The following AKAP7 variants were observed in gnomAD, a reference collection of about 807,000 sequenced individuals.
AKAP7 encodes A kinase (PRKA) anchor protein 7.
In AKAP7, 39 loss-of-function variants were observed where a neutral mutation model predicts 39.5. That is an observed-to-expected ratio of 0.99 (90% CI 0.76 to 1.29). AKAP7 has a LOEUF of 1.29. Ranked by LOEUF, AKAP7 falls within the 50% of genes most tolerant of loss-of-function variation. The probability of loss-of-function intolerance (pLI) is 0.00; values close to 1 mark genes in which losing one functional copy is unlikely to be tolerated. For synonymous variants in AKAP7, 140 were observed against 139.1 expected (o/e 1.01, Z -0.05); for missense variants, 414 against 407.7 (o/e 1.02, Z -0.13).
intron 6 of AKAP7, among the ~76,000 whole-genome samples, chr6:131,218,858 G>A (rs761415361): frequency 3.9e-5 from 6 of 152,054 alleles, no homozygotes; most frequent in Non-Finnish European, 7.4e-5. Flanking sequence ...TCTTACATAA[G>A]AAATTTAAAA....
intron 7 of AKAP7, among the ~76,000 whole-genome samples, chr6:131,226,364 C>T (rs1392990042): frequency 1.3e-5 from 2 of 152,184 alleles, no homozygotes; most frequent in Admixed American, 6.5e-5. Context: ...AGAAAAGGTA[C>T]ATTTTGGTTG....
chr6:131,197,523 G>A (rs1807056633), intron 5 of AKAP7, among the ~76,000 whole-genome samples: 1 of 152,028 alleles, frequency 6.6e-6, no homozygotes, highest in African/African-American at 2.4e-5. Flanking sequence ...ACTCGAAGTT[G>A]CCCCACAGCT....
intron 6 of AKAP7, among the ~76,000 whole-genome samples, chr6:131,201,394 C>T (rs914367361): frequency 2.0e-5 from 3 of 152,124 alleles, no homozygotes; most frequent in Admixed American, 6.5e-5. Context: ...AATCAGATTG[C>T]ATTTTATTTA....
chr6:131,278,925 G>C (rs547620246), intron 7 of AKAP7, among the ~76,000 whole-genome samples: 1 of 152,140 alleles, frequency 6.6e-6, no homozygotes, highest in Non-Finnish European at 1.5e-5. Context: ...TAGAAATTGG[G>C]AATGGTGTGG....
intron 6 of AKAP7, among the ~76,000 whole-genome samples, chr6:131,217,258 A>G (rs1043710609): frequency 6.6e-6 from 1 of 152,174 alleles, no homozygotes; most frequent in African/African-American, 2.4e-5. Flanking sequence ...GCTTACCCTA[A>G]ATGATCCACT....
intron 6 of AKAP7, among the ~76,000 whole-genome samples, chr6:131,209,922 A>G (rs938145682): frequency 1.3e-5 from 2 of 152,174 alleles, no homozygotes; most frequent in Admixed American, 1.3e-4. Context: ...ATGCAGAACT[A>G]TTTACCTTGT....
intron 5 of AKAP7, chr6:131,185,477 C>T (rs1805749682): frequency 8.6e-6 from 3 of 349,042 alleles, no homozygotes; most frequent in South Asian, 7.9e-5. Context: ...TTCACCACCA[C>T]AGGTGCCATT....
At chr6:131,184,793 C>T in intron 5 of AKAP7, 2 of 1,433,560 alleles carry the variant, frequency 1.4e-6, no homozygotes, top group Non-Finnish European at 9.8e-7. Flanking sequence ...TCGCCCTCCT[C>T]AGCCAAGTGA....
At chr6:131,154,868 G>A (rs764812334) in intron 2 of AKAP7, among the ~76,000 whole-genome samples, 11 of 152,056 alleles carry the variant, frequency 7.2e-5, no homozygotes, top group Non-Finnish European at 1.5e-4. Flanking sequence ...GTATGTGTAT[G>A]TGTGTGTTTA....
upstream of AKAP7, among the ~76,000 whole-genome samples, chr6:131,134,565 C>T (rs551767843): frequency 5.9e-5 from 9 of 152,300 alleles, no homozygotes; most frequent in Admixed American, 2.6e-4. Context: ...CTTACCTGCA[C>T]ATCCTCAGCA....
chr6:131,184,581 G>A, intron 5 of AKAP7: 3 of 730,032 alleles, frequency 4.1e-6, no homozygotes, highest in Non-Finnish European at 7.6e-6. Flanking sequence ...TGAAATGGAG[G>A]CAAGATGGAT....
intron 5 of AKAP7, among the ~76,000 whole-genome samples, chr6:131,191,207 C>T (rs1302676264): frequency 6.6e-6 from 1 of 152,084 alleles, no homozygotes; most frequent in Non-Finnish European, 1.5e-5. Flanking sequence ...CATAAGACAT[C>T]GCTAATATTT....
chr6:131,165,451 G>T (rs866840803), intron 4 of AKAP7, among the ~76,000 whole-genome samples: 1 of 151,880 alleles, frequency 6.6e-6, no homozygotes, highest in Non-Finnish European at 1.5e-5. Context: ...TGTTTTGTCC[G>T]TGCTCATAAT....
intron 7 of AKAP7, among the ~76,000 whole-genome samples, chr6:131,228,733 G>A (rs779122199): frequency 6.6e-6 from 1 of 151,962 alleles, no homozygotes; most frequent in Non-Finnish European, 1.5e-5. Flanking sequence ...ATACTTTTAG[G>A]GGGTCAGCGA....
Position 131,281,930 on chromosome 6 carries a change from A to ATTAAT in AKAP7, c.*206_*210dup, listed in dbSNP as rs371260791. On this transcript the variant is annotated 3_prime_UTR_variant, in exon 8 of 8. Coordinates refer to ENST00000431975, the MANE Select transcript of AKAP7 (RefSeq NM_016377.4). This position sits in a 1 kb window ranked among gnomAD's most constrained non-coding sequence, Gnocchi z 4.0. ...TGGAGTGCTGGGACTGGCAGAGGAA[A>ATTAAT]TTAATTGATGAAAGAAGAATGGCCC... 453 of 1,235,204 alleles carry ATTAAT rather than the reference A, an allele frequency of 3.7e-4. 2 individuals are homozygous for ATTAAT. The African/African-American group carries it at 6.4e-3, about 17-fold the overall frequency. 76.5% of individuals were successfully genotyped at this position (1,235,204 alleles called of 1,614,324 possible).
chr6:131,133,870 A>T (rs902601736), upstream of AKAP7, among the ~76,000 whole-genome samples: 1 of 152,242 alleles, frequency 6.6e-6, no homozygotes, highest in African/African-American at 2.4e-5. Context: ...AAGGGGGCTT[A>T]GCCTTTTTGC....
intron 5 of AKAP7, among the ~76,000 whole-genome samples, chr6:131,170,525 C>T (rs531088711): frequency 3.0e-4 from 45 of 152,206 alleles, no homozygotes; most frequent in African/African-American, 9.4e-4. Context: ...CTTTTATTTT[C>T]CCAAAGTATA....
At chr6:131,221,129 G>C (rs769791831) in intron 7 of AKAP7, among the ~76,000 whole-genome samples, 1 of 152,200 alleles carries the variant, frequency 6.6e-6, no homozygotes, top group African/African-American at 2.4e-5. Context: ...AGTTCTTAAA[G>C]GAAATTAAAA....
rs559881211 is a variant in AKAP7 at position 131,197,364 on chromosome 6, G to A, written c.590-2097G>A. Reference sequence around the variant, plus strand: ...ATTGCTGGCTCAAAATGCTTGTATAGCCTAAATTTTAATAGTTGCTACCCA... The same window carrying A: ...ATTGCTGGCTCAAAATGCTTGTATAACCTAAATTTTAATAGTTGCTACCCA... On this transcript the variant is annotated intron_variant, in intron 5 of 7. Transcript: ENST00000431975. 2.7e-3 allele frequency among the ~76,000 whole-genome samples: 416 copies of A among 152,088 alleles called. 3 individuals carry two copies. The highest frequency in any genetic ancestry group is 9.7e-3 in the African/African-American group (401 of 41,498).
Sources: gnomAD v4.1 joint callset for allele counts (sites outside exome capture counted in the v4.1 genomes callset) on GRCh38, gnomAD v4.1.1 for gene constraint, Gnocchi (gnomAD v3.1) non-coding constraint, MANE v1.5 for transcripts, NCBI Gene and HGNC (gene_info 2026-07-23, HGNC 2026-07-21) for gene names.